Variants in DNAH17 observed in about 807,000 individuals in gnomAD.
DNAH17 encodes the protein axonemal beta dynein heavy chain 17.
DNAH17 carries 376 observed loss-of-function variants against 485.6 expected under a neutral mutation model. That is an observed-to-expected ratio of 0.77 (90% CI 0.71 to 0.84). The LOEUF (loss-of-function observed/expected upper bound fraction) is 0.84, where lower values mean the gene tolerates loss of function less well. Ranked by LOEUF, DNAH17 falls within the 40% of genes least tolerant of loss-of-function variation. The pLI is 0.00. For synonymous variants in DNAH17, 3,031 were observed against 2,405.9 expected (o/e 1.26, Z -7.60); for missense variants, 6,370 against 5,839.3 (o/e 1.09, Z -2.96).
At chr17:78,500,001 C>A in intron 36 of DNAH17, 1 of 303,712 alleles carries the variant, frequency 3.3e-6, no homozygotes, top group Admixed American at 4.8e-5. Context: ...GGGAGGTGCT[C>A]ACCCCTGTGC....
rs147354925 is a variant in DNAH17, at chr17:78,499,232, C to T, written c.5641-120G>A. On this transcript the variant is annotated intron_variant, in intron 36 of 80. Coordinates refer to ENST00000389840, the MANE Select transcript of DNAH17 (RefSeq NM_173628.4). ...CTCTTCCCAAAGCTTGCTCAGGCCC[C>T]GGTGCATTGGAGCCTTCCGCAGGCC... 1,710 of 690,446 alleles carry T rather than the reference C, an allele frequency of 2.5e-3. 50 individuals carry two copies. The East Asian group carries it at 0.044, about 18-fold the overall frequency. 42.8% of individuals were successfully genotyped at this position (690,446 alleles called of 1,614,324 possible). A position where few individuals can be genotyped will look rare whatever the true frequency, so the allele number is the denominator to read the frequency against.
At chr17:78,444,069 T>C (rs1225825839) in intron 71 of DNAH17, among the ~76,000 whole-genome samples, 1 of 152,234 alleles carries the variant, frequency 6.6e-6, no homozygotes, top group African/African-American at 2.4e-5. Context: ...AACAGTTCTC[T>C]TGCAAACTAG....
intron 16 of DNAH17, 71 bp from the exon 17 acceptor site, chr17:78,544,068 G>A (rs2091682422): frequency 2.5e-6 from 4 of 1,602,408 alleles, no homozygotes; most frequent in Middle Eastern, 2.0e-4. Context: ...CCTTTGCTGT[G>A]TGCTTTTGAT....
At chr17:78,455,470 G>A (rs753863669) in intron 63 of DNAH17, among the ~76,000 whole-genome samples, 174 bp downstream of exon 63, 4 of 151,840 alleles carry the variant, frequency 2.6e-5, no homozygotes, top group South Asian at 2.1e-4. Context: ...GGATTAAGGC[G>A]CCCCCCACCA....
intron 16 of DNAH17, among the ~76,000 whole-genome samples, chr17:78,550,107 AGGGAGGTGTG>A (rs1054171008): frequency 2.6e-4 from 39 of 152,328 alleles, no homozygotes; most frequent in Admixed American, 1.6e-3. Flanking sequence ...CAGAGCAGAC[AGGGAGGTGTG>A]GGGAGGCGTG....
chr17:78,480,617 T>A, intron 49 of DNAH17, 67 bp downstream of exon 49: 1 of 1,382,058 alleles, frequency 7.2e-7, no homozygotes, highest in Non-Finnish European at 1.0e-6. Flanking sequence ...AAGCTTTTCC[T>A]CTCATTTGCC....
intron 15 of DNAH17, among the ~76,000 whole-genome samples, chr17:78,551,854 T>C (rs2091909293): frequency 6.6e-6 from 1 of 151,608 alleles, no homozygotes; most frequent in African/African-American, 2.4e-5. Context: ...TCCCAGCTAC[T>C]CGGGAGGCTG....
chr17:78,485,480 A>G (rs2089560277), intron 47 of DNAH17, 70 bp downstream of exon 47: 2 of 1,436,890 alleles, frequency 1.4e-6, no homozygotes, highest in African/African-American at 2.8e-5. Context: ...CTGCAGTGAG[A>G]GGGGACAGGA....
chr17:78,523,580 T>A (rs1334166676), intron 25 of DNAH17, among the ~76,000 whole-genome samples: 2 of 152,172 alleles, frequency 1.3e-5, no homozygotes, highest in African/African-American at 4.8e-5. Flanking sequence ...GACATGAATA[T>A]GCAGTTCACC....
chr17:78,487,963 A>G (rs1427426903), intron 44 of DNAH17, among the ~76,000 whole-genome samples: 8 of 152,184 alleles, frequency 5.3e-5, no homozygotes, highest in Admixed American at 1.3e-4. Flanking sequence ...AAACCTTTCT[A>G]TGTCCCTAAG....
chr17:78,466,192 C>T (rs971211613), intron 56 of DNAH17, among the ~76,000 whole-genome samples: 2 of 152,142 alleles, frequency 1.3e-5, no homozygotes, highest in East Asian at 1.9e-4. Flanking sequence ...GGATTAAGGG[C>T]GGTGCAAGAT....
intron 52 of DNAH17, 151 bp downstream of exon 52, chr17:78,476,421 T>C (rs1191312834): frequency 1.0e-6 from 1 of 964,482 alleles, no homozygotes; most frequent in East Asian, 2.7e-5. Flanking sequence ...CCACAGCCAC[T>C]TGCTGGAATG....
chr17:78,511,729 G>C (rs2090640361), intron 26 of DNAH17, among the ~76,000 whole-genome samples: 1 of 152,328 alleles, frequency 6.6e-6, no homozygotes. Context: ...ATGGAACCTT[G>C]CATCTCTAAT....
Position 78,543,950 on chromosome 17 carries a change from C to T in DNAH17, c.2439G>A (p.Glu813=). The T allele has an allele frequency of 6.2e-7, 1 of 1,614,048 alleles. No homozygotes were observed. Among genetic ancestry groups the T allele is most frequent in the Non-Finnish European group, 8.5e-7 (1 of 1,179,882 alleles). ...TTCTTCCATCCAAGTCTAACAGGGC[C>T]TCTTTCTTATTGTCCTTTCTTTCAA... The part of the protein sequence containing the change: ...PLFERKDNKK[E]ALLDLDGRIA... The change falls in exon 17 of 81, where the codon GAG becomes GAA. Residue 813 remains glutamate (E), a synonymous_variant. Transcript: ENST00000389840.
intron 69 of DNAH17, among the ~76,000 whole-genome samples, chr17:78,447,601 G>C (rs540266572): frequency 1.3e-5 from 2 of 152,192 alleles, no homozygotes; most frequent in African/African-American, 4.8e-5. Flanking sequence ...CAAACAAAAC[G>C]TTCTTTGGGA....
intron 50 of DNAH17, among the ~76,000 whole-genome samples, 169 bp downstream of exon 50, chr17:78,479,316 A>G (rs1041542479): frequency 1.3e-5 from 2 of 152,334 alleles, no homozygotes; most frequent in African/African-American, 2.4e-5. Context: ...CTACCTCCCC[A>G]TGAAGCAATT....
intron 74 of DNAH17, among the ~76,000 whole-genome samples, chr17:78,435,921 G>A (rs142246875): frequency 1.6e-4 from 25 of 152,304 alleles, no homozygotes; most frequent in Admixed American, 1.5e-3. Context: ...TTAATAGAAC[G>A]GGGGACCTAT....
In DNAH17 at chr17:78,490,717, G is replaced by C; in HGVS notation, c.6800C>G (p.Ala2267Gly). ...SRAGILYINP[A>G]DLGWNPVVSS... is the part of the protein sequence containing the mutation. ...CACTCACGGGTTCCATCCCAGGTCG[G>C]CTGGGTTGATGTAGAGGATGCCGGC... Residue 2267 changes from alanine to glycine, a missense_variant, in exon 44 of 81, where the codon GCC (alanine) becomes GGC (glycine). Transcript: ENST00000389840. 6.2e-7 allele frequency: 1 copy of C among 1,608,156 alleles called. No individual in the cohort carries two copies. Among genetic ancestry groups the C allele is most frequent in the South Asian group, 1.1e-5 (1 of 89,816 alleles).
At chr17:78,548,172 A>T (rs58134244) in intron 16 of DNAH17, among the ~76,000 whole-genome samples, 2 of 140,484 alleles carry the variant, frequency 1.4e-5, no homozygotes, top group Admixed American at 7.3e-5. Flanking sequence ...CTTAGTTCTC[A>T]TTCTGTTGTT....
Sources: gnomAD v4.1 joint callset for allele counts (sites outside exome capture counted in the v4.1 genomes callset) on GRCh38, gnomAD v4.1.1 for gene constraint, MANE v1.5 for transcripts, NCBI Gene and HGNC (gene_info 2026-07-23, HGNC 2026-07-21) for gene names.